The following USP34 variants were observed in gnomAD, a reference collection of about 807,000 sequenced individuals.
The protein encoded by USP34 is ubiquitin carboxyl-terminal hydrolase 34.
A neutral mutation model predicts 460.3 loss-of-function variants in USP34; 70 were observed. The ratio of observed to expected loss-of-function variants is 0.15; its 90% CI spans 0.13 to 0.19. The LOEUF is 0.19. USP34 is among the 10% of genes least tolerant of loss of function. The pLI, the probability that USP34 is intolerant of heterozygous loss-of-function variation, is 1.00. For synonymous variants in USP34, 1,647 were observed against 1,405.3 expected (o/e 1.17, Z -3.85); for missense variants, 3,985 against 4,236.2 (o/e 0.94, Z 1.65).
rs541769056 is a variant in USP34, at chr2:61,292,893, C to A, written c.4548+571G>T. On this transcript the variant is annotated intron_variant, in intron 33 of 79. Transcript: ENST00000398571. The stretch of plus-strand genomic sequence containing the variant: ...TAAAGTTAACATTTTTTAAAATTTC[C>A]ATTTTTTTATGCAAGTTCACAGAAA... 3.0e-3 allele frequency among the ~76,000 whole-genome samples: 450 copies of A among 151,604 alleles called. 1 individual carries two copies. Among genetic ancestry groups the A allele is most frequent in the African/African-American group, 0.01 (421 of 41,236 alleles).
chr2:61,428,799 C>T (rs1240933060), intron 1 of USP34, among the ~76,000 whole-genome samples: 1 of 152,068 alleles, frequency 6.6e-6, no homozygotes, highest in Non-Finnish European at 1.5e-5. Flanking sequence ...GAGGTAACTC[C>T]TAGGAAGTGA....
Position 61,241,648 on chromosome 2 carries a change from C to T in USP34, c.6689G>A (p.Ser2230Asn). The T allele has an allele frequency of 1.3e-6, 2 of 1,586,834 alleles. No homozygotes were observed. The highest frequency in any genetic ancestry group is 1.7e-6 in the Non-Finnish European group (2 of 1,171,210). ...GCGTTTGTAAAACAGCATATATGCACTGTGTGTCTTTAAGAGGCAAGAAAA... is the reference window on the plus strand; with the variant it reads ...GCGTTTGTAAAACAGCATATATGCATTGTGTGTCTTTAAGAGGCAAGAAAA... The part of the protein sequence containing the change: ...FMDFSFEKTH[S>N]AYMLFYKRME... The change falls in exon 53 of 80, where the codon AGT becomes AAT. Residue 2230 changes from serine (S) to asparagine (N), a missense_variant. Physicochemically the swap from Ser to Asn is conservative, Grantham distance 46. This residue lies in a region of USP34 where 604 missense variants were observed against 684.8 expected (regional missense o/e 0.88). Transcript: ENST00000398571.
At chr2:61,427,338 T>C (rs1427604440) in intron 1 of USP34, among the ~76,000 whole-genome samples, 1 of 152,128 alleles carries the variant, frequency 6.6e-6, no homozygotes, top group African/African-American at 2.4e-5. Flanking sequence ...CCAAGTTCTT[T>C]CAAATATCTA....
chr2:61,393,918 A>G (rs1217627901), intron 5 of USP34, among the ~76,000 whole-genome samples: 1 of 152,094 alleles, frequency 6.6e-6, no homozygotes, highest in African/African-American at 2.4e-5. Flanking sequence ...TGGGTGGATC[A>G]TGAGGTCAGG....
chr2:61,366,683 G>T (rs546740908), intron 10 of USP34, among the ~76,000 whole-genome samples: 5 of 152,158 alleles, frequency 3.3e-5, no homozygotes, highest in Admixed American at 6.5e-5. Context: ...AGTTCCATTT[G>T]AGAGACAGCA....
At chr2:61,234,107 T>TA (rs1267521178) in intron 57 of USP34, among the ~76,000 whole-genome samples, 3 of 152,212 alleles carry the variant, frequency 2.0e-5, no homozygotes, top group Admixed American at 2.0e-4. Context: ...TATTATCCCT[T>TA]TCTACTTTTG....
At chr2:61,222,537 T>C (rs1442278995) in intron 65 of USP34, 82 bp downstream of exon 65, 2 of 1,142,734 alleles carry the variant, frequency 1.8e-6, no homozygotes, top group African/African-American at 1.6e-5. Flanking sequence ...AAATTTGTTC[T>C]CGAGAACAAT....
rs547081651 is a variant in USP34 at position 61,375,726 on chromosome 2, G to A, written c.1076+2637C>T. On this transcript the variant is annotated intron_variant, in intron 8 of 79. Coordinates refer to ENST00000398571, the MANE Select transcript of USP34 (RefSeq NM_014709.4). Reference sequence around the variant, plus strand: ...GGAGCTTGCAGTGAGCCAAGATCGCGCCACTGCACTCCAGCCTGGGTGACA... The same window carrying A: ...GGAGCTTGCAGTGAGCCAAGATCGCACCACTGCACTCCAGCCTGGGTGACA... Among the ~76,000 whole-genome samples, 24 of 131,492 alleles carry A rather than the reference G, an allele frequency of 1.8e-4. 1 individual carries two copies. The East Asian group carries it at 4.5e-3, about 24-fold the overall frequency. The allele number at this position is 131,492 out of a possible 152,430, so 86.3% of individuals were successfully genotyped here. A position where few individuals can be genotyped will look rare whatever the true frequency, so the allele number is the denominator to read the frequency against.
chr2:61,345,563 C>G (rs1298589725), intron 15 of USP34, among the ~76,000 whole-genome samples: 2 of 152,222 alleles, frequency 1.3e-5, no homozygotes, highest in African/African-American at 4.8e-5. Context: ...ACTTATCGAG[C>G]ACTTATTGTG....
intron 34 of USP34, among the ~76,000 whole-genome samples, chr2:61,286,560 T>C (rs1476301464): frequency 6.6e-6 from 1 of 151,746 alleles, no homozygotes; most frequent in East Asian, 1.9e-4. Context: ...GAGGCTGAGG[T>C]AGTAAAACCG....
At chr2:61,335,315 AAACT>A (rs535255467) in intron 18 of USP34, among the ~76,000 whole-genome samples, 20 of 152,352 alleles carry the variant, frequency 1.3e-4, no homozygotes, top group Middle Eastern at 3.4e-3. Flanking sequence ...TATGCTTACA[AAACT>A]AACAAAAGCA....
At chr2:61,222,822 A>C (rs1377187268) in intron 64 of USP34, 159 bp from the exon 65 acceptor site, 2 of 728,944 alleles carry the variant, frequency 2.7e-6, no homozygotes. Flanking sequence ...TCAGCCTCCG[A>C]GTGGCTGGGA....
At chr2:61,387,907 G>C (rs1218296512) in intron 5 of USP34, among the ~76,000 whole-genome samples, 1 of 137,866 alleles carries the variant, frequency 7.3e-6, no homozygotes, top group Non-Finnish European at 1.6e-5. Context: ...TTATATATAA[G>C]CATATGTAAA....
rs577245989 is a variant in USP34 at position 61,377,675 on chromosome 2, C to T, written c.1076+688G>A. Among the ~76,000 whole-genome samples the T allele has an allele frequency of 4.6e-5, 7 of 152,276 alleles. No individual in the cohort carries two copies. In the South Asian group the frequency reaches 6.2e-4, roughly 14 times the overall value. On this transcript the variant is annotated intron_variant, in intron 8 of 79. Coordinates refer to ENST00000398571, the MANE Select transcript of USP34 (RefSeq NM_014709.4). ...GACGATGCTGCCAACAACCTGATCT[C>T]GGACTTCCAGCCTCCAGAACTATGG...
chr2:61,410,159 G>A (rs564867988), intron 2 of USP34, among the ~76,000 whole-genome samples: 92 of 152,270 alleles, frequency 6.0e-4, no homozygotes, highest in African/African-American at 2.1e-3. Flanking sequence ...GTATCACACT[G>A]TAATATATAA....
intron 34 of USP34, among the ~76,000 whole-genome samples, chr2:61,288,070 G>A (rs371760915): frequency 1.8e-4 from 27 of 152,274 alleles, no homozygotes; most frequent in African/African-American, 6.5e-4. Context: ...CTAGAAGACA[G>A]AGTTTGTTTC....
chr2:61,352,888 A>T (rs151240010), intron 10 of USP34, among the ~76,000 whole-genome samples: 1 of 152,206 alleles, frequency 6.6e-6, no homozygotes, highest in Non-Finnish European at 1.5e-5. Flanking sequence ...AAAGAAAAGG[A>T]TATCAGGGAA....
At chr2:61,443,025 A>C (rs1695009657) in intron 1 of USP34, among the ~76,000 whole-genome samples, 1 of 151,544 alleles carries the variant, frequency 6.6e-6, no homozygotes, top group Non-Finnish European at 1.5e-5. Context: ...TATGTGAAAT[A>C]AGCCAGGAGC....
At chr2:61,347,594 A>C (rs549814879) in intron 15 of USP34, among the ~76,000 whole-genome samples, 1 of 152,166 alleles carries the variant, frequency 6.6e-6, no homozygotes, top group Non-Finnish European at 1.5e-5. Flanking sequence ...GGCTGGTCTC[A>C]AACTCCTGAC....
Sources: allele counts gnomAD v4.1 joint callset (sites outside exome capture counted in the v4.1 genomes callset), GRCh38; gene constraint gnomAD v4.1.1; regional missense constraint gnomAD v4.1.1; transcripts MANE v1.5; gene names NCBI Gene and HGNC (gene_info 2026-07-23, HGNC 2026-07-21).